Variants in GLYATL2 observed in about 807,000 individuals in gnomAD.
GLYATL2 encodes the protein glycine N-acyltransferase-like protein 2.
Under a neutral mutation model 21.4 loss-of-function variants are expected in GLYATL2, and 25 were observed. The observed-to-expected ratio is 1.17, with a 90% CI of 0.85 to 1.63. The LOEUF is 1.63. GLYATL2 is among the 40% of genes most tolerant of loss of function. GLYATL2 has a pLI of 0.00. For missense variants in GLYATL2, 361 were observed against 343.3 expected (o/e 1.05, Z -0.41); for synonymous variants, 114 against 118.2 (o/e 0.96, Z 0.23).
intron 1 of GLYATL2, chr11:58,893,150 G>A (rs1280982555): frequency 2.0e-5 from 8 of 393,182 alleles, no homozygotes; most frequent in East Asian, 4.3e-5. Flanking sequence ...TACATCAAGC[G>A]CTGCATAGGA....
At chr11:58,883,498 C>G (rs545487559) in intron 1 of GLYATL2, among the ~76,000 whole-genome samples, 21 of 152,066 alleles carry the variant, frequency 1.4e-4, no homozygotes, top group Non-Finnish European at 2.6e-4. Flanking sequence ...ACACATACAC[C>G]CTCCCAAGAC....
chr11:58,885,541 G>A (rs1377166326), intron 1 of GLYATL2: 1 of 454,078 alleles, frequency 2.2e-6, no homozygotes, highest in East Asian at 5.9e-5. Flanking sequence ...CACCAAAACA[G>A]GTAGGCACAC....
upstream of GLYATL2, chr11:58,908,489 G>T: frequency 4.8e-6 from 1 of 209,066 alleles, no homozygotes. Flanking sequence ...AAGACTGAAG[G>T]GAACAAGTCA....
upstream of GLYATL2, chr11:58,905,796 C>T (rs1436745768): frequency 5.2e-6 from 2 of 384,300 alleles, no homozygotes; most frequent in Admixed American, 5.7e-5. Flanking sequence ...GACCCGCCCG[C>T]GAGCGCGTGC....
upstream of GLYATL2, among the ~76,000 whole-genome samples, chr11:58,905,132 C>G (rs971403008): frequency 2.0e-5 from 3 of 152,254 alleles, no homozygotes; most frequent in African/African-American, 7.2e-5. Flanking sequence ...TACTCTTCAT[C>G]TGAGGGGTAA....
In GLYATL2 at chr11:58,897,917, TC is replaced by T. The variant is rs577435195; in HGVS notation, n.60+6238del. 1.2e-3 allele frequency among the ~76,000 whole-genome samples: 180 copies of T among 152,294 alleles called. 1 individual carries two copies. The highest frequency in any genetic ancestry group is 1.9e-3 in the Non-Finnish European group (126 of 68,020). ...GCCTAGAAAATGAGTGAAAATTGTT[TC>T]CCCATATACATTTTTTTCTTTTGAA... On this transcript the variant is annotated intron_variant and non_coding_transcript_variant, in intron 1 of 4. Coordinates refer to the GLYATL2 transcript ENST00000533636.
chr11:58,846,505 T>A (rs1853646919), upstream of GLYATL2, among the ~76,000 whole-genome samples: 1 of 151,698 alleles, frequency 6.6e-6, no homozygotes, highest in African/African-American at 2.4e-5. Flanking sequence ...TGGTGCACAG[T>A]ATATCTCTGG....
chr11:58,863,817 T>C (rs968387030), intron 1 of GLYATL2, among the ~76,000 whole-genome samples: 1 of 152,164 alleles, frequency 6.6e-6, no homozygotes, highest in Non-Finnish European at 1.5e-5. Flanking sequence ...ACAGAAACTG[T>C]CCTAGATACT....
chr11:58,853,903 G>A (rs1853784063), intron 1 of GLYATL2, among the ~76,000 whole-genome samples: 1 of 151,956 alleles, frequency 6.6e-6, no homozygotes, highest in Admixed American at 6.6e-5. Flanking sequence ...TAGATTTATT[G>A]GACTGCTCCT....
rs536182560 is a variant in GLYATL2, at chr11:58,859,196, T to C, written n.61-20828A>G. Among the ~76,000 whole-genome samples the C allele has an allele frequency of 2.6e-5, 4 of 152,176 alleles. No individual in the cohort carries two copies. The South Asian group carries it at 8.3e-4, about 32-fold the overall frequency. On this transcript the variant is annotated intron_variant and non_coding_transcript_variant, in intron 1 of 4. Transcript: ENST00000533636. ...GTTCAACTTGAGTCCCTCTCTCCTC[T>C]GCTAGCCTACCCCCATCCATCAATA...
At chr11:58,854,897 G>A (rs751832065) in intron 1 of GLYATL2, among the ~76,000 whole-genome samples, 2 of 152,176 alleles carry the variant, frequency 1.3e-5, no homozygotes, top group Non-Finnish European at 2.9e-5. Flanking sequence ...TCCATAAGAA[G>A]CAATTTCTTA....
chr11:58,862,889 T>C (rs1280119722), intron 1 of GLYATL2, among the ~76,000 whole-genome samples: 1 of 152,216 alleles, frequency 6.6e-6, no homozygotes, highest in Non-Finnish European at 1.5e-5. Flanking sequence ...AGGCTGTGCA[T>C]TGGTGTCTGC....
At position 58,861,172 on chromosome 11, in the gene GLYATL2, GTTC is replaced by G. The variant is rs568506187; in HGVS notation, n.61-22807_61-22805del. Among the ~76,000 whole-genome samples, 29 of 152,112 alleles carry G rather than the reference GTTC, an allele frequency of 1.9e-4. No individual in the cohort carries two copies. The South Asian group carries it at 5.2e-3, about 27-fold the overall frequency. On this transcript the variant is annotated intron_variant and non_coding_transcript_variant, in intron 1 of 4. Coordinates refer to the GLYATL2 transcript ENST00000533636. The stretch of plus-strand genomic sequence containing the variant: ...AAGGGTTTTAGAAAGATTGACATTA[GTTC>G]TTCTTTAAATGTTTGGTGGAATTCA...
chr11:58,884,567 C>CAA (rs1854402472), intron 1 of GLYATL2, among the ~76,000 whole-genome samples: 1 of 152,098 alleles, frequency 6.6e-6, no homozygotes, highest in Non-Finnish European at 1.5e-5. Flanking sequence ...ATCTGATGAC[C>CAA]AAAATACAGG....
Position 58,837,265 on chromosome 11 carries a change from A to T in GLYATL2, c.313+6T>A, listed in dbSNP as rs762595395. On this transcript the variant is annotated splice_donor_region_variant and intron_variant, in intron 4 of 5. Transcript: ENST00000287275. ...GGATCTTTTTCTTTTAACTCAGACT[A>T]GTTACCTTGGATCTGCAAAGTTTGC... 6.2e-7 allele frequency: 1 copy of T among 1,613,738 alleles called. No homozygotes were observed. The highest frequency in any genetic ancestry group is 1.1e-5 in the South Asian group (1 of 90,986).
At chr11:58,890,788 A>G (rs1297907636) in intron 1 of GLYATL2, among the ~76,000 whole-genome samples, 1 of 148,684 alleles carries the variant, frequency 6.7e-6, no homozygotes, top group African/African-American at 2.5e-5. Context: ...TTATTTTTTT[A>G]TTTTTGCTTT....
intron 2 of GLYATL2, among the ~76,000 whole-genome samples, chr11:58,839,324 G>T (rs536206106): frequency 1.2e-3 from 176 of 152,276 alleles, no homozygotes; most frequent in African/African-American, 3.8e-3. Flanking sequence ...GTACACCAAA[G>T]ATAGCAGAAG....
intron 1 of GLYATL2, among the ~76,000 whole-genome samples, chr11:58,876,016 T>C (rs1264472667): frequency 6.6e-6 from 1 of 152,186 alleles, no homozygotes; most frequent in South Asian, 2.1e-4. Context: ...TCTAAACTTC[T>C]CTTTATGCTT....
At chr11:58,873,575 T>G (rs565157889) in intron 1 of GLYATL2, among the ~76,000 whole-genome samples, 1 of 152,356 alleles carries the variant, frequency 6.6e-6, no homozygotes, top group South Asian at 2.1e-4. Context: ...TCTGTTTATA[T>G]ACTGGATTAC....
Sources: gnomAD v4.1 joint callset for allele counts (sites outside exome capture counted in the v4.1 genomes callset) on GRCh38, gnomAD v4.1.1 for gene constraint, MANE v1.5 for transcripts, NCBI Gene and HGNC (gene_info 2026-07-23, HGNC 2026-07-21) for gene names.